CLSPN: variants seen among roughly 807,000 people sequenced by gnomAD.
The protein encoded by CLSPN is claspin homolog.
CLSPN carries 85 observed loss-of-function variants against 156.3 expected under a neutral mutation model. The observed-to-expected ratio is 0.54, with a 90% CI of 0.46 to 0.65. The LOEUF is 0.65. Ranked by LOEUF, CLSPN falls within the 30% of genes least tolerant of loss-of-function variation. The pLI is 0.00. For synonymous variants in CLSPN, 534 were observed against 542.4 expected (o/e 0.98, Z 0.22); for missense variants, 1,407 against 1,554.9 (o/e 0.90, Z 1.60).
In CLSPN at chr1:35,734,747, A is replaced by G. The variant is rs1641409688; in HGVS notation, c.*1749T>C. 1 of 983,278 alleles carries G rather than the reference A, an allele frequency of 1.0e-6. No individual in the cohort carries two copies. Among genetic ancestry groups the G allele is most frequent in the Non-Finnish European group, 1.2e-6 (1 of 828,156 alleles). 60.9% of individuals were successfully genotyped at this position (983,278 alleles called of 1,614,324 possible). Reference sequence around the variant, plus strand: ...AGAAAAGAAAAACTGTAAAAAACCTACAACCTAATTGCATCAATTAAATTG... The same window carrying G: ...AGAAAAGAAAAACTGTAAAAAACCTGCAACCTAATTGCATCAATTAAATTG... On this transcript the variant is annotated 3_prime_UTR_variant, in exon 25 of 25. Coordinates refer to ENST00000318121, the MANE Select transcript of CLSPN (RefSeq NM_022111.4).
At chr1:35,742,600 A>G (rs1641731175) in intron 18 of CLSPN, among the ~76,000 whole-genome samples, 1 of 152,076 alleles carries the variant, frequency 6.6e-6, no homozygotes. Flanking sequence ...GCTGGTCTCA[A>G]ACTCCTGACC....
chr1:35,755,250 C>G (rs1166644738), intron 8 of CLSPN, among the ~76,000 whole-genome samples: 1 of 151,906 alleles, frequency 6.6e-6, no homozygotes, highest in Non-Finnish European at 1.5e-5. Flanking sequence ...TAGGCATGTA[C>G]CACCATATCC....
At chr1:35,740,618 C>T (rs1165348930) in intron 18 of CLSPN, among the ~76,000 whole-genome samples, 1 of 151,946 alleles carries the variant, frequency 6.6e-6, no homozygotes, top group African/African-American at 2.4e-5. Context: ...AGGGTTTCAC[C>T]ATGTTGGCCA....
At position 35,735,637 on chromosome 1, in the gene CLSPN, G is replaced by C. The variant is rs533364241; in HGVS notation, c.*859C>G. On this transcript the variant is annotated 3_prime_UTR_variant, in exon 25 of 25. Coordinates refer to ENST00000318121, the MANE Select transcript of CLSPN (RefSeq NM_022111.4). Reference sequence around the variant, plus strand: ...ACAGGAGAATCACTTGAACCCGGGAGGCAGAGGTTGCCGTGAGCCGAGATT... The same window carrying C: ...ACAGGAGAATCACTTGAACCCGGGACGCAGAGGTTGCCGTGAGCCGAGATT... 1.3e-6 allele frequency: 1 copy of C among 773,144 alleles called. No homozygotes were observed. Among genetic ancestry groups the C allele is most frequent in the East Asian group, 1.3e-4 (1 of 7,776 alleles). 47.9% of individuals were successfully genotyped at this position (773,144 alleles called of 1,614,324 possible). A position where few individuals can be genotyped will look rare whatever the true frequency, so the allele number is the denominator to read the frequency against.
Position 35,760,770 on chromosome 1 carries a change from G to A in CLSPN, c.1151C>T (p.Ser384Leu), listed in dbSNP as rs1642447508. 1 of 1,613,564 alleles carries A rather than the reference G, an allele frequency of 6.2e-7. No individual in the cohort carries two copies. The highest frequency in any genetic ancestry group is 1.3e-5 in the African/African-American group (1 of 74,908). Residue 384 changes from serine to leucine, a missense_variant, in exon 8 of 25, where the codon TCA (serine) becomes TTA (leucine). Physicochemically the swap from Ser to Leu is moderately radical, Grantham distance 145. Coordinates refer to ENST00000318121, the MANE Select transcript of CLSPN (RefSeq NM_022111.4). ...EVETNALPVV[S>L]KETQIITGSD... ...TCCAGTAATGATCTGGGTTTCCTTT[G>A]AAACTACAGGGAGTGCATTAGTTTC... is the stretch of plus-strand genomic sequence containing the variant.
At position 35,736,438 on chromosome 1, in the gene CLSPN, T is replaced by C; in HGVS notation, c.*58A>G. The C allele has an allele frequency of 6.7e-7, 1 of 1,497,992 alleles. No homozygotes were observed. Among genetic ancestry groups the C allele is most frequent in the Non-Finnish European group, 8.9e-7 (1 of 1,124,768 alleles). The allele number at this position is 1,497,992 out of a possible 1,614,324, so 92.8% of individuals were successfully genotyped here. On this transcript the variant is annotated 3_prime_UTR_variant, in exon 25 of 25. Transcript: ENST00000318121. ...TTGGCTGGAGTGTCAATTCCAACTTTCAGTGCTAGAAACTTCTCAAAGCAG... is the reference window on the plus strand; with the variant it reads ...TTGGCTGGAGTGTCAATTCCAACTTCCAGTGCTAGAAACTTCTCAAAGCAG...
intron 24 of CLSPN, among the ~76,000 whole-genome samples, chr1:35,723,810 G>A (rs184460443): frequency 2.9e-4 from 44 of 152,316 alleles, no homozygotes; most frequent in Admixed American, 2.0e-3. Context: ...GATCAACATG[G>A]TGAAACCCCG....
chr1:35,749,011 G>C (rs1403526941), intron 12 of CLSPN, among the ~76,000 whole-genome samples: 1 of 151,894 alleles, frequency 6.6e-6, no homozygotes, highest in Admixed American at 6.6e-5. Flanking sequence ...ATTTTTAGTA[G>C]AGACAGGGTT....
At chr1:35,759,829 CTTTTTTTTTTT>C (rs530890885) in intron 8 of CLSPN, among the ~76,000 whole-genome samples, 6 of 128,270 alleles carry the variant, frequency 4.7e-5, no homozygotes, top group Admixed American at 8.1e-5. Context: ...TATCAACAAC[CTTTTTTTTTTT>C]TTTTTTTTTT....
At chr1:35,762,188 G>A (rs896641602) in intron 5 of CLSPN, 118 bp from the exon 6 acceptor site, 19 of 856,920 alleles carry the variant, frequency 2.2e-5, no homozygotes, top group Admixed American at 7.3e-5. Context: ...GTAAGCATGA[G>A]TAAGCCCAAA....
In CLSPN at chr1:35,763,176, T is replaced by C. The variant is rs2148626732; in HGVS notation, c.728A>G (p.Lys243Arg). 1.9e-6 allele frequency: 3 copies of C among 1,575,552 alleles called. No individual in the cohort carries two copies. Among genetic ancestry groups the C allele is most frequent in the Non-Finnish European group, 2.6e-6 (3 of 1,165,760 alleles). The change falls in exon 4 of 25, where the codon AAA (lysine) becomes AGA (arginine). Residue 243 changes from lysine to arginine, a missense_variant. Transcript: ENST00000318121. ...LESIRAAVKNKVKKHKKKEPS... is the reference protein window; with the variant it reads ...LESIRAAVKNRVKKHKKKEPS... ...TTTACTTGCCTTGTGCTTTTTTACT[T>C]TGTTTTTTACAGCTGCTCTTATTGA...
intron 10 of CLSPN, among the ~76,000 whole-genome samples, chr1:35,750,656 G>A (rs1642051424): frequency 6.6e-6 from 1 of 151,950 alleles, no homozygotes; most frequent in South Asian, 2.1e-4. Context: ...GCCTTCCAAA[G>A]TGCTAGGATT....
chr1:35,742,000 A>AAAAT (rs1641710535), intron 18 of CLSPN, among the ~76,000 whole-genome samples: 1 of 148,836 alleles, frequency 6.7e-6, no homozygotes, highest in African/African-American at 2.5e-5. Context: ...AAAAAAAAAA[A>AAAAT]AGCTGGGCCT....
chr1:35,735,447 C>A lies in CLSPN; in HGVS notation c.*1049G>T. The A allele has an allele frequency of 1.0e-6, 1 of 983,236 alleles. No homozygotes were observed. Among genetic ancestry groups the A allele is most frequent in the African/African-American group, 1.7e-5 (1 of 57,292 alleles). 60.9% of individuals were successfully genotyped at this position (983,236 alleles called of 1,614,324 possible). ...TTTTGGCTGGGCACAGTGGCTCACGCCTGTAATCTCAGCACTTTGGGAGGC... is the reference window on the plus strand; with the variant it reads ...TTTTGGCTGGGCACAGTGGCTCACGACTGTAATCTCAGCACTTTGGGAGGC... On this transcript the variant is annotated 3_prime_UTR_variant, in exon 25 of 25. Transcript: ENST00000318121.
chr1:35,752,939 T>C (rs1490201335), intron 9 of CLSPN, among the ~76,000 whole-genome samples: 1 of 152,134 alleles, frequency 6.6e-6, no homozygotes, highest in Admixed American at 6.5e-5. Flanking sequence ...GGAAGACTAG[T>C]TTTTCATTTG....
At chr1:35,737,931 C>T (rs1641531334) in intron 22 of CLSPN, 61 bp downstream of exon 22, 2 of 932,820 alleles carry the variant, frequency 2.1e-6, no homozygotes, top group Non-Finnish European at 3.1e-6. Flanking sequence ...TTAGAGTCAC[C>T]TCCAAAGCTC....
At position 35,760,373 on chromosome 1, in the gene CLSPN, G is replaced by A; in HGVS notation, c.1548C>T (p.Ser516=). 1 of 1,613,876 alleles carries A rather than the reference G, an allele frequency of 6.2e-7. No homozygotes were observed. Among genetic ancestry groups the A allele is most frequent in the Non-Finnish European group, 8.5e-7 (1 of 1,179,808 alleles). ...TGGTTTCAGGTTCAAGTATCACAAAGGAATCTTCATCAGCACCTAGCCGTG... is the reference window on the plus strand; with the variant it reads ...TGGTTTCAGGTTCAAGTATCACAAAAGAATCTTCATCAGCACCTAGCCGTG... ...IKPRLGADED[S]FVILEPETNR... is the part of the protein sequence containing the mutation. Residue 516 remains serine (S), a synonymous_variant, in exon 8 of 25, where the codon TCC becomes TCT. Transcript: ENST00000318121.
In CLSPN at chr1:35,734,607, G is replaced by C. The variant is rs1641399803; in HGVS notation, c.*1889C>G. Reference sequence around the variant, plus strand: ...GAGGCAGAATTGCTTGAACCTAGGAGGCGGAGGTTGCAGTAAGCCGAGATC... The same window carrying C: ...GAGGCAGAATTGCTTGAACCTAGGACGCGGAGGTTGCAGTAAGCCGAGATC... On this transcript the variant is annotated 3_prime_UTR_variant, in exon 25 of 25. Coordinates refer to ENST00000318121, the MANE Select transcript of CLSPN (RefSeq NM_022111.4). 1 of 396,624 alleles carries C rather than the reference G, an allele frequency of 2.5e-6. No individual in the cohort carries two copies. Among genetic ancestry groups the C allele is most frequent in the Non-Finnish European group, 3.4e-6 (1 of 292,840 alleles). The allele number at this position is 396,624 out of a possible 1,614,324, so 24.6% of individuals were successfully genotyped here. A position where few individuals can be genotyped will look rare whatever the true frequency, so the allele number is the denominator to read the frequency against.
chr1:35,721,280 C>T (rs1220827881), intron 24 of CLSPN, among the ~76,000 whole-genome samples: 1 of 152,146 alleles, frequency 6.6e-6, no homozygotes, highest in Non-Finnish European at 1.5e-5. Context: ...ACACTGAGAC[C>T]ACCCCCTTCT....
Sources: allele counts gnomAD v4.1 joint callset (sites outside exome capture counted in the v4.1 genomes callset), GRCh38; gene constraint gnomAD v4.1.1; transcripts MANE v1.5; gene names NCBI Gene and HGNC (gene_info 2026-07-23, HGNC 2026-07-21).